The following ASIC2 variants were observed in gnomAD, a reference collection of about 807,000 sequenced individuals.
The protein encoded by ASIC2 is acid sensing ion channel subunit 2.
A neutral mutation model predicts 57.3 loss-of-function variants in ASIC2; 25 were observed. The ratio of observed to expected loss-of-function variants is 0.44; its 90% CI spans 0.32 to 0.61. The LOEUF (loss-of-function observed/expected upper bound fraction) is 0.61, where lower values mean the gene tolerates loss of function less well. Among genes scored for constraint, ASIC2 ranks in the 20% least tolerant of loss-of-function variants. The probability of loss-of-function intolerance (pLI) is 0.06; values close to 1 mark genes in which losing one functional copy is unlikely to be tolerated. For missense variants in ASIC2, 641 were observed against 738.1 expected, an observed-to-expected ratio of 0.87 and a Z score of 1.52; for synonymous variants, 319 against 307.5, an observed-to-expected ratio of 1.04 and a Z score of -0.39.
At chr17:33,922,093 C>T (rs1226632836) in intron 1 of ASIC2, among the ~76,000 whole-genome samples, 2 of 152,128 alleles carry the variant, frequency 1.3e-5, no homozygotes, top group African/African-American at 2.4e-5. Flanking sequence ...GAGACCAAGT[C>T]GGGCAGGAAT....
chr17:34,156,568 T>C lies in ASIC2; in HGVS notation c.-36A>G. On this transcript the variant is annotated 5_prime_UTR_variant, in exon 1 of 10. Coordinates refer to the ASIC2 transcript ENST00000359872. The surrounding 1 kb of genome is among the most constrained non-coding windows in gnomAD (Gnocchi z 4.4). Reference sequence around the variant, plus strand: ...TGCAGTTCCGCAACTGGCTTCAGGTTGATCGAATTTCAGAGAAGAGCTCCC... The same window carrying C: ...TGCAGTTCCGCAACTGGCTTCAGGTCGATCGAATTTCAGAGAAGAGCTCCC... 6.5e-7 allele frequency: 1 copy of C among 1,537,526 alleles called. No individual in the cohort carries two copies. The highest frequency in any genetic ancestry group is 8.8e-7 in the Non-Finnish European group (1 of 1,139,866).
At chr17:34,133,601 C>A (rs1912054061) in intron 1 of ASIC2, among the ~76,000 whole-genome samples, 1 of 152,240 alleles carries the variant, frequency 6.6e-6, no homozygotes, top group Admixed American at 6.5e-5. Flanking sequence ...GCTTGAGGAG[C>A]CTTCGTAGGG....
At chr17:33,410,525 C>G (rs1283429281) in intron 1 of ASIC2, among the ~76,000 whole-genome samples, 1 of 152,176 alleles carries the variant, frequency 6.6e-6, no homozygotes, top group Non-Finnish European at 1.5e-5. Context: ...ACTCAAGCCC[C>G]CTCGGTAAGC....
At chr17:33,662,524 G>A (rs1907303971) in intron 1 of ASIC2, among the ~76,000 whole-genome samples, 1 of 151,776 alleles carries the variant, frequency 6.6e-6, no homozygotes, top group African/African-American at 2.4e-5. Flanking sequence ...TCAGGAGACT[G>A]AGGCAGGAGA....
chr17:33,110,287 C>T (rs1016953771), intron 2 of ASIC2, among the ~76,000 whole-genome samples: 4 of 152,216 alleles, frequency 2.6e-5, no homozygotes, highest in African/African-American at 9.7e-5. Flanking sequence ...ACTCCACCCC[C>T]TGGACTCCGG....
intron 1 of ASIC2, among the ~76,000 whole-genome samples, chr17:33,406,627 G>A (rs1910485462): frequency 6.6e-6 from 1 of 152,218 alleles, no homozygotes; most frequent in African/African-American, 2.4e-5. Context: ...GAGCTGCCAT[G>A]AGGATTAAAT....
intron 1 of ASIC2, among the ~76,000 whole-genome samples, chr17:34,074,782 C>CTTTTTTTTT (rs35010578): frequency 2.9e-4 from 33 of 113,920 alleles, no homozygotes; most frequent in African/African-American, 5.7e-4. Flanking sequence ...TTCTTTCTTT[C>CTTTTTTTTT]TTTTTTTTTT....
chr17:33,802,072 G>A (rs918593394), intron 1 of ASIC2, among the ~76,000 whole-genome samples: 3 of 152,230 alleles, frequency 2.0e-5, no homozygotes, highest in Non-Finnish European at 4.4e-5. Flanking sequence ...TAAGTCAGAC[G>A]TATATAGTCA....
Position 33,191,542 on chromosome 17 carries a change from AAGG to A in ASIC2, c.709-79478_709-79476del, listed in dbSNP as rs141174868. Among the ~76,000 whole-genome samples the A allele has an allele frequency of 9.5e-3, 1,447 of 151,910 alleles. 13 individuals are homozygous for A. The highest frequency in any genetic ancestry group is 0.026 in the East Asian group (136 of 5,168). On this transcript the variant is annotated intron_variant, in intron 1 of 9. Transcript: ENST00000225823. Reference sequence around the variant, plus strand: ...TTAAAAGAAGAAGAAGAAGGGATAGAAGGAGGAGGAGGAGGAGAAAGAGAGGGA... The same window carrying A: ...TTAAAAGAAGAAGAAGAAGGGATAGAAGGAGGAGGAGGAGAAAGAGAGGGA...
At chr17:33,489,927 G>A (rs540073157) in intron 1 of ASIC2, among the ~76,000 whole-genome samples, 3 of 152,266 alleles carry the variant, frequency 2.0e-5, no homozygotes, top group East Asian at 1.9e-4. Flanking sequence ...ATAAGAACGC[G>A]AGCCCACTTT....
intron 1 of ASIC2, among the ~76,000 whole-genome samples, chr17:33,262,844 C>T (rs1193097424): frequency 2.6e-5 from 4 of 152,092 alleles, no homozygotes; most frequent in Non-Finnish European, 1.5e-5. Context: ...GTGAACATTC[C>T]CAAGCCACAA....
chr17:33,154,182 T>C (rs1273879340), intron 1 of ASIC2, among the ~76,000 whole-genome samples: 4 of 152,188 alleles, frequency 2.6e-5, no homozygotes, highest in African/African-American at 4.8e-5. Flanking sequence ...ATTATTGTTA[T>C]CTTTTTGAGA....
chr17:34,136,334 C>T (rs1598043514), intron 1 of ASIC2, among the ~76,000 whole-genome samples: 1 of 152,280 alleles, frequency 6.6e-6, no homozygotes, highest in East Asian at 1.9e-4. Context: ...ATCCCTTTCC[C>T]CTTCCACATA....
At chr17:34,017,468 C>T (rs944155896) in intron 1 of ASIC2, among the ~76,000 whole-genome samples, 1 of 152,106 alleles carries the variant, frequency 6.6e-6, no homozygotes, top group Non-Finnish European at 1.5e-5. Flanking sequence ...AAAAGAAGAG[C>T]AACACATTTC....
chr17:33,221,565 CAA>C (rs749786352), intron 1 of ASIC2, among the ~76,000 whole-genome samples: 13 of 152,206 alleles, frequency 8.5e-5, no homozygotes, highest in Admixed American at 1.3e-4. Context: ...ACAAGAAAAA[CAA>C]AGTTATTTAA....
intron 1 of ASIC2, among the ~76,000 whole-genome samples, chr17:33,181,604 C>T (rs1351573951): frequency 6.6e-6 from 1 of 152,156 alleles, no homozygotes; most frequent in Non-Finnish European, 1.5e-5. Context: ...CTGTGGCCTT[C>T]TGCCTTGCAT....
rs146921199 is a variant in ASIC2, at chr17:33,887,205, A to T, written c.555+268773T>A. Among the ~76,000 whole-genome samples the T allele has an allele frequency of 4.1e-3, 624 of 152,252 alleles. 13 individuals carry two copies. The highest frequency in any genetic ancestry group is 0.015 in the African/African-American group (604 of 41,542). On this transcript the variant is annotated intron_variant, in intron 1 of 9. Coordinates refer to the ASIC2 transcript ENST00000359872. The stretch of plus-strand genomic sequence containing the variant: ...TTCCCTGAATCTCATCATTCACTCT[A>T]CATTAATTAAGACCTCAAACATGCA...
chr17:34,065,839 C>T (rs867131311), intron 1 of ASIC2, among the ~76,000 whole-genome samples: 4 of 152,284 alleles, frequency 2.6e-5, no homozygotes, highest in Middle Eastern at 6.8e-3. Context: ...CTTGGTTTGA[C>T]TCTGAAAGGC....
intron 1 of ASIC2, among the ~76,000 whole-genome samples, chr17:33,339,816 A>G (rs1907657646): frequency 6.6e-6 from 1 of 152,190 alleles, no homozygotes; most frequent in South Asian, 2.1e-4. Flanking sequence ...TGCAGCAAAA[A>G]GAGATAAAAC....
Sources: allele counts gnomAD v4.1 joint callset (sites outside exome capture counted in the v4.1 genomes callset), GRCh38; gene constraint gnomAD v4.1.1; non-coding constraint Gnocchi (gnomAD v3.1); transcripts MANE v1.5; gene names NCBI Gene and HGNC (gene_info 2026-07-23, HGNC 2026-07-21).